ATP11A: variants seen among roughly 807,000 people sequenced by gnomAD.
The protein encoded by ATP11A is phospholipid-transporting ATPase IH.
ATP11A carries 81 observed loss-of-function variants against 154.4 expected under a neutral mutation model. That is an observed-to-expected ratio of 0.52 (90% CI 0.44 to 0.63). ATP11A has a LOEUF of 0.63. ATP11A is among the 30% of genes least tolerant of loss of function. The pLI is 0.00. For missense variants in ATP11A, 1,316 were observed against 1,474.3 expected, an observed-to-expected ratio of 0.89 and a Z score of 1.76; for synonymous variants, 623 against 585.9, an observed-to-expected ratio of 1.06 and a Z score of -0.91.
chr13:112,692,817 T>A (rs1236559075), intron 1 of ATP11A, among the ~76,000 whole-genome samples: 3 of 152,254 alleles, frequency 2.0e-5, no homozygotes, highest in Non-Finnish European at 4.4e-5. Flanking sequence ...AGTCATGATC[T>A]GTTTTCTTGT....
intron 1 of ATP11A, among the ~76,000 whole-genome samples, chr13:112,744,353 G>A (rs1566415145): frequency 6.6e-6 from 1 of 150,762 alleles, no homozygotes; most frequent in Admixed American, 6.6e-5. Context: ...CTTTCCTCCC[G>A]GCACCCGGCT....
At chr13:112,761,646 A>G (rs452460) in intron 1 of ATP11A, among the ~76,000 whole-genome samples, 4,024 of 42,814 alleles carry the variant, frequency 0.094, 510 homozygotes, top group African/African-American at 0.2. Flanking sequence ...CTGGGGTCTT[A>G]GAAGCACCCC....
intron 1 of ATP11A, among the ~76,000 whole-genome samples, chr13:112,716,739 A>G (rs1451539091): frequency 6.6e-6 from 1 of 152,172 alleles, no homozygotes; most frequent in Non-Finnish European, 1.5e-5. Context: ...GACGGGGCCC[A>G]TCCTGGACTT....
At chr13:112,819,610 A>T in intron 7 of ATP11A, among the ~76,000 whole-genome samples, 1 of 152,212 alleles carries the variant, frequency 6.6e-6, no homozygotes. Context: ...TTTTTATACA[A>T]ATATTTGAAG....
intron 1 of ATP11A, among the ~76,000 whole-genome samples, chr13:112,693,211 G>A (rs1178864591): frequency 6.6e-6 from 1 of 152,208 alleles, no homozygotes; most frequent in African/African-American, 2.4e-5. Context: ...TGTTTGGATG[G>A]ACCGGAGCCA....
In ATP11A at chr13:112,859,540, G is replaced by A; in HGVS notation, c.2727+88G>A. ...GCTGCTGTGGGGAGGGGAGACTTGG[G>A]AATGAGCAGCACTCCCCGGCACCAC... On this transcript the variant is annotated intron_variant, in intron 23 of 29. Transcript: ENST00000375645. The surrounding 1 kb of genome is among the most constrained non-coding windows in gnomAD (Gnocchi z 4.3). The A allele has an allele frequency of 8.8e-7, 1 of 1,132,106 alleles. No individual in the cohort carries two copies. The highest frequency in any genetic ancestry group is 1.3e-6 in the Non-Finnish European group (1 of 747,240). 70.1% of individuals were successfully genotyped at this position (1,132,106 alleles called of 1,614,324 possible). A position where few individuals can be genotyped will look rare whatever the true frequency, so the allele number is the denominator to read the frequency against.
intron 5 of ATP11A, among the ~76,000 whole-genome samples, chr13:112,815,039 C>T (rs150787141): frequency 6.6e-6 from 1 of 152,294 alleles, no homozygotes; most frequent in African/African-American, 2.4e-5. Context: ...TAGACAGAAG[C>T]AGGTGACGCC....
In ATP11A at chr13:112,875,419, G is replaced by A. The variant is rs1158193268; in HGVS notation, c.3162-357G>A. 2.6e-5 allele frequency among the ~76,000 whole-genome samples: 4 copies of A among 152,004 alleles called. No homozygotes were observed. The East Asian group carries it at 5.8e-4, about 22-fold the overall frequency. ...TGCTCTGTACTGACGACCAGTGCTC[G>A]GGACGTCCTTCCCATCCGAGACTTC... On this transcript the variant is annotated intron_variant, in intron 27 of 29. Coordinates refer to ENST00000375645, the MANE Select transcript of ATP11A (RefSeq NM_015205.3). The surrounding 1 kb of genome is among the most constrained non-coding windows in gnomAD (Gnocchi z 4.1).
At chr13:112,878,371 C>T (rs937587750) in intron 29 of ATP11A, 68 bp downstream of exon 29, 1 of 1,547,486 alleles carries the variant, frequency 6.5e-7, no homozygotes, top group Non-Finnish European at 8.9e-7. Context: ...TGCCCATCAC[C>T]AGAGCCCTGA....
chr13:112,830,732 C>G (rs1217533163), intron 12 of ATP11A, among the ~76,000 whole-genome samples: 1 of 152,206 alleles, frequency 6.6e-6, no homozygotes, highest in African/African-American at 2.4e-5. Context: ...AGCTCAGTCT[C>G]AAGATGCTGC....
intron 4 of ATP11A, 48 bp from the exon 5 acceptor site, chr13:112,810,571 T>C (rs373724789): frequency 2.7e-6 from 4 of 1,490,380 alleles, no homozygotes; most frequent in Non-Finnish European, 3.7e-6. Flanking sequence ...TTCTCCTCCT[T>C]CCCTCTCTCC....
chr13:112,832,926 A>G lies in ATP11A; in HGVS notation c.1462A>G (p.Ser488Gly), dbSNP rs1369663880. Residue 488 changes from serine (S) to glycine (G), a missense_variant, in exon 14 of 30, where the codon AGC (serine) becomes GGC (glycine). Ser to Gly is a moderately conservative substitution (Grantham distance 56). This residue lies in a region of ATP11A where 876 missense variants were observed against 1,006.8 expected (regional missense o/e 0.87). Transcript: ENST00000375645. ...CHTVQVKDDD[S>G]VDGPRKSPDG... ...CACCGTCCAGGTGAAAGACGATGAC[A>G]GCGTAGACGGCCCCAGGAAATCGCC... is the stretch of plus-strand genomic sequence containing the variant. 3.7e-6 allele frequency: 6 copies of G among 1,613,966 alleles called. No individual in the cohort carries two copies. The highest frequency in any genetic ancestry group is 5.1e-6 in the Non-Finnish European group (6 of 1,179,992).
chr13:112,805,137 G>C, intron 3 of ATP11A, 91 bp downstream of exon 3: 2 of 906,290 alleles, frequency 2.2e-6, no homozygotes, highest in Non-Finnish European at 3.3e-6. Context: ...GCTAATGAAA[G>C]AGCAAGGACA....
At chr13:112,874,759 C>A (rs572005584) in intron 27 of ATP11A, among the ~76,000 whole-genome samples, 1 of 152,088 alleles carries the variant, frequency 6.6e-6, no homozygotes, top group Non-Finnish European at 1.5e-5. Flanking sequence ...TGTCAGGCAC[C>A]CTGTCAGCCC....
At chr13:112,803,987 A>C (rs117788302) in intron 2 of ATP11A, among the ~76,000 whole-genome samples, 363 of 26,074 alleles carry the variant, frequency 0.014, 28 homozygotes, top group Admixed American at 0.022. Flanking sequence ...CATTCCCCTC[A>C]TTCCCCTCCT....
rs141923180 is a variant in ATP11A at position 112,766,069 on chromosome 13, C to T, written c.40-19066C>T. 1.0e-3 allele frequency among the ~76,000 whole-genome samples: 152 copies of T among 152,250 alleles called. 1 individual carries two copies. The highest frequency in any genetic ancestry group is 3.5e-3 in the African/African-American group (145 of 41,560). On this transcript the variant is annotated intron_variant, in intron 1 of 29. Transcript: ENST00000375645. ...TTGTAGAAATTGACGCAGCGTTTTCCGATGTGCCCACCTGCTTGAGGAAGG... is the reference window on the plus strand; with the variant it reads ...TTGTAGAAATTGACGCAGCGTTTTCTGATGTGCCCACCTGCTTGAGGAAGG...
At position 112,793,309 on chromosome 13, in the gene ATP11A, C is replaced by T. The variant is rs557154356; in HGVS notation, c.162+8052C>T. Among the ~76,000 whole-genome samples, 3 of 152,316 alleles carry T rather than the reference C, an allele frequency of 2.0e-5. No homozygotes were observed. In the South Asian group the frequency reaches 6.2e-4, roughly 32 times the overall value. The stretch of plus-strand genomic sequence containing the variant: ...CTCCACCGCCCGGGTTTAAGTGATT[C>T]TCCTGCCTCAGCCTCCCAAGTAGCT... On this transcript the variant is annotated intron_variant, in intron 2 of 29. Transcript: ENST00000375645.
At chr13:112,776,190 C>T (rs916610795) in intron 1 of ATP11A, among the ~76,000 whole-genome samples, 2 of 152,208 alleles carry the variant, frequency 1.3e-5, no homozygotes, top group Non-Finnish European at 2.9e-5. Flanking sequence ...TGCATGAAGG[C>T]ACACCTTGGG....
intron 1 of ATP11A, among the ~76,000 whole-genome samples, chr13:112,769,551 A>C (rs543290805): frequency 6.7e-4 from 102 of 152,324 alleles, no homozygotes; most frequent in African/African-American, 2.4e-3. Flanking sequence ...CTGAGTTTAT[A>C]GTTCTCCCAA....
Sources: allele counts gnomAD v4.1 joint callset (sites outside exome capture counted in the v4.1 genomes callset), GRCh38; gene constraint gnomAD v4.1.1; regional missense constraint gnomAD v4.1.1; non-coding constraint Gnocchi (gnomAD v3.1); transcripts MANE v1.5; gene names NCBI Gene and HGNC (gene_info 2026-07-23, HGNC 2026-07-21).